Variants in HS1BP3 observed in about 807,000 individuals in gnomAD.
HS1BP3 encodes HCLS1 binding protein 3.
A neutral mutation model predicts 33.5 loss-of-function variants in HS1BP3; 32 were observed. That is an observed-to-expected ratio of 0.95 (90% CI 0.72 to 1.28). The LOEUF (loss-of-function observed/expected upper bound fraction) is 1.28. Ranked by LOEUF, HS1BP3 falls within the 50% of genes most tolerant of loss-of-function variation. The pLI is 0.00. For synonymous variants in HS1BP3, 187 were observed against 209.2 expected (o/e 0.89, Z 0.92); for missense variants, 486 against 502.3 (o/e 0.97, Z 0.31).
downstream of HS1BP3, among the ~76,000 whole-genome samples, chr2:20,587,794 T>C (rs867905071): frequency 1.3e-5 from 2 of 152,170 alleles, no homozygotes; most frequent in Non-Finnish European, 2.9e-5. Context: ...ATCAGACCAC[T>C]GTGACAGGCA....
At chr2:20,578,517 C>G (rs1180168696) in intron 5 of HS1BP3, among the ~76,000 whole-genome samples, 6 of 152,216 alleles carry the variant, frequency 3.9e-5, no homozygotes, top group African/African-American at 1.4e-4. Flanking sequence ...GCAGGCAGCC[C>G]CACACACCAC....
chr2:20,620,186 T>C (rs1043201312), intron 6 of HS1BP3, among the ~76,000 whole-genome samples: 2 of 152,350 alleles, frequency 1.3e-5, no homozygotes, highest in African/African-American at 4.8e-5. Flanking sequence ...GCCAGACATT[T>C]CCACATTCAT....
At chr2:20,578,879 T>G (rs542171071) in intron 5 of HS1BP3, among the ~76,000 whole-genome samples, 1 of 152,306 alleles carries the variant, frequency 6.6e-6, no homozygotes, top group Admixed American at 6.5e-5. Context: ...ACATGAAACA[T>G]CAACAGTAAC....
At chr2:20,636,052 G>A (rs1695117599) in intron 4 of HS1BP3, 1 of 152,284 alleles carries the variant, frequency 6.6e-6, no homozygotes, top group Non-Finnish European at 1.5e-5. Flanking sequence ...GGCCGCTCCA[G>A]GAGAGCCCAG....
chr2:20,555,533 C>T (rs1020858021), downstream of HS1BP3, among the ~76,000 whole-genome samples: 11 of 152,290 alleles, frequency 7.2e-5, no homozygotes, highest in East Asian at 1.9e-3. Flanking sequence ...GCATCAGGTA[C>T]CTTCACATAC....
chr2:20,595,946 G>A (rs912405884), intron 3 of HS1BP3, among the ~76,000 whole-genome samples: 5 of 152,192 alleles, frequency 3.3e-5, no homozygotes, highest in Non-Finnish European at 5.9e-5. Flanking sequence ...AGTTTCCCAC[G>A]TTCTTTCTTA....
intron 5 of HS1BP3, among the ~76,000 whole-genome samples, chr2:20,567,489 C>T (rs887056505): frequency 5.3e-5 from 8 of 152,092 alleles, no homozygotes; most frequent in African/African-American, 1.7e-4. Context: ...CTGGTAAGTT[C>T]GTTAAGACAG....
intron 5 of HS1BP3, among the ~76,000 whole-genome samples, chr2:20,575,903 T>C (rs1693388624): frequency 6.6e-6 from 1 of 152,274 alleles, no homozygotes; most frequent in South Asian, 2.1e-4. Flanking sequence ...TAAAAATGAA[T>C]GCTTGAGAAG....
At chr2:20,569,609 C>A (rs887718907) in intron 5 of HS1BP3, among the ~76,000 whole-genome samples, 1 of 152,244 alleles carries the variant, frequency 6.6e-6, no homozygotes, top group African/African-American at 2.4e-5. Context: ...GGCAACCCTT[C>A]CCCTAAGTCC....
chr2:20,577,373 C>T (rs1234189843), intron 5 of HS1BP3, among the ~76,000 whole-genome samples: 1 of 152,138 alleles, frequency 6.6e-6, no homozygotes, highest in Non-Finnish European at 1.5e-5. Flanking sequence ...AAAAGCTTCC[C>T]AACCATTGGC....
rs187502394 is a variant in HS1BP3, at chr2:20,572,730, G to C, written c.303-12215C>G. ...AGGCTCCTTCCTCCTGTCTCTTCAGGGTACTGGAGCCCGGGGATCAGCTCC... is the reference window on the plus strand; with the variant it reads ...AGGCTCCTTCCTCCTGTCTCTTCAGCGTACTGGAGCCCGGGGATCAGCTCC... On this transcript the variant is annotated intron_variant, in intron 5 of 5. Transcript: ENST00000446825. Among the ~76,000 whole-genome samples, 128 of 152,282 alleles carry C rather than the reference G, an allele frequency of 8.4e-4. 1 individual carries two copies. The highest frequency in any genetic ancestry group is 1.5e-3 in the Non-Finnish European group (104 of 68,016).
chr2:20,618,839 A>G lies in HS1BP3; in HGVS notation c.*148T>C. 7.0e-7 allele frequency: 1 copy of G among 1,428,078 alleles called. No homozygotes were observed. The highest frequency in any genetic ancestry group is 9.1e-7 in the Non-Finnish European group (1 of 1,095,078). The allele number at this position is 1,428,078 out of a possible 1,614,324, so 88.5% of individuals were successfully genotyped here. A position where few individuals can be genotyped will look rare whatever the true frequency, so the allele number is the denominator to read the frequency against. ...GCCCCACAGCCCCGGAGAAAATGGA[A>G]CCATGCAGTTCTGGGTGCTGTGACC... On this transcript the variant is annotated 3_prime_UTR_variant, in exon 7 of 7. Coordinates refer to ENST00000304031, the MANE Select transcript of HS1BP3 (RefSeq NM_022460.4).
At chr2:20,560,300 C>A (rs1692958772), downstream of HS1BP3, 1 of 152,374 alleles carries the variant, frequency 6.6e-6, no homozygotes, top group South Asian at 2.1e-4. Context: ...GGTGGCAGAA[C>A]CTGGGGCAGC....
downstream of HS1BP3, among the ~76,000 whole-genome samples, chr2:20,587,791 C>T (rs1693717299): frequency 6.6e-6 from 1 of 152,126 alleles, no homozygotes; most frequent in South Asian, 2.1e-4. Flanking sequence ...AGAATCAGAC[C>T]ACTGTGACAG....
chr2:20,567,757 C>A (rs1426567788), intron 5 of HS1BP3, among the ~76,000 whole-genome samples: 1 of 152,232 alleles, frequency 6.6e-6, no homozygotes, highest in Non-Finnish European at 1.5e-5. Flanking sequence ...CTTGCCCTTT[C>A]ACCCCAGTCC....
intron 5 of HS1BP3, among the ~76,000 whole-genome samples, chr2:20,580,655 G>A (rs908090083): frequency 3.9e-5 from 6 of 152,212 alleles, no homozygotes; most frequent in Admixed American, 3.3e-4. Flanking sequence ...TGAGGATGTT[G>A]TCAACCTCGC....
chr2:20,606,706 A>T (rs75766918), intron 2 of HS1BP3: 6,995 of 267,990 alleles, frequency 0.026, 170 homozygotes, highest in South Asian at 0.075. Context: ...AAGATGTCAG[A>T]CAAAAAGACA....
intron 5 of HS1BP3, among the ~76,000 whole-genome samples, chr2:20,581,632 G>A (rs186523592): frequency 6.6e-6 from 1 of 152,342 alleles, no homozygotes; most frequent in East Asian, 1.9e-4. Flanking sequence ...TTACAGGCAT[G>A]AGCCACCGCA....
In HS1BP3 at chr2:20,624,715, C is replaced by G. The variant is rs116314157; in HGVS notation, c.784+17G>C. The G allele has an allele frequency of 0.024, 38,089 of 1,575,718 alleles. 523 individuals are homozygous for G. The highest frequency in any genetic ancestry group is 0.027 in the Non-Finnish European group (31,612 of 1,159,590). ...CACCGAGAGGACACCAGGAGCAGACCATGGGGCTCTACTTACGGTCCACGG... is the reference window on the plus strand; with the variant it reads ...CACCGAGAGGACACCAGGAGCAGACGATGGGGCTCTACTTACGGTCCACGG... On this transcript the variant is annotated intron_variant, in intron 5 of 6. Coordinates refer to ENST00000304031, the MANE Select transcript of HS1BP3 (RefSeq NM_022460.4).
Sources: gnomAD v4.1 joint callset for allele counts (sites outside exome capture counted in the v4.1 genomes callset) on GRCh38, gnomAD v4.1.1 for gene constraint, MANE v1.5 for transcripts, NCBI Gene and HGNC (gene_info 2026-07-23, HGNC 2026-07-21) for gene names.